ODAD4: variants seen among roughly 807,000 people sequenced by gnomAD.
The protein encoded by ODAD4 is outer dynein arm-docking complex subunit 4.
A neutral mutation model predicts 51.8 loss-of-function variants in ODAD4; 49 were observed. The observed-to-expected ratio is 0.95, with a 90% CI of 0.75 to 1.20. The LOEUF is 1.20. Among genes scored for constraint, ODAD4 ranks in the 50% most tolerant of loss-of-function variants. The pLI is 0.00. For synonymous variants in ODAD4, 235 were observed against 221.3 expected (o/e 1.06, Z -0.55); for missense variants, 590 against 586.5 (o/e 1.01, Z -0.06).
intron 9 of ODAD4, 82 bp downstream of exon 9, chr17:41,949,431 G>A: frequency 2.5e-6 from 1 of 397,754 alleles, no homozygotes; most frequent in South Asian, 1.4e-4. Flanking sequence ...TGTGGACTGA[G>A]TTTACCATCC....
chr17:41,953,511 C>CTTTATGAAG (rs2050686793), intron 9 of ODAD4, among the ~76,000 whole-genome samples: 1 of 151,998 alleles, frequency 6.6e-6, no homozygotes, highest in Non-Finnish European at 1.5e-5. Flanking sequence ...AGCACTTTCT[C>CTTTATGAAG]CTTTATGAAG....
chr17:41,939,717 C>T (rs2050480746), intron 7 of ODAD4, among the ~76,000 whole-genome samples: 1 of 152,110 alleles, frequency 6.6e-6, no homozygotes, highest in Non-Finnish European at 1.5e-5. Context: ...GAGAGCACAG[C>T]ATATTGCCAG....
intron 1 of ODAD4, 24 bp downstream of exon 1, chr17:41,930,861 C>T: frequency 1.1e-6 from 1 of 888,654 alleles, no homozygotes; most frequent in Middle Eastern, 2.6e-4. Flanking sequence ...TCAACCTATC[C>T]ATCACCCCAT....
At position 41,930,631 on chromosome 17, in the gene ODAD4, G is replaced by T; in HGVS notation, c.-93G>T. Reference sequence around the variant, plus strand: ...AACCGGAAGTCGCTGTACATCTCATGGTTGCTAAGAAACGGAGCTTCCACA... The same window carrying T: ...AACCGGAAGTCGCTGTACATCTCATTGTTGCTAAGAAACGGAGCTTCCACA... On this transcript the variant is annotated 5_prime_UTR_variant, in exon 1 of 12. The change abolishes an upstream ATG in the 5' untranslated region. Transcript: ENST00000377540. 1.2e-6 allele frequency: 1 copy of T among 838,778 alleles called. No individual in the cohort carries two copies. 52.0% of individuals were successfully genotyped at this position (838,778 alleles called of 1,614,324 possible). A position where few individuals can be genotyped will look rare whatever the true frequency, so the allele number is the denominator to read the frequency against.
chr17:41,936,803 C>G lies in ODAD4; in HGVS notation c.501C>G (p.Leu167=). Residue 167 remains leucine (L), a synonymous_variant, in exon 5 of 12, where the codon CTC becomes CTG. Coordinates refer to ENST00000377540, the MANE Select transcript of ODAD4 (RefSeq NM_031421.5). The stretch of plus-strand genomic sequence containing the variant: ...AGAAGCCTCAGCCCATGAAACACCT[C>G]TTACACCCCACCAAGGGAGAGCCCA... The part of the protein sequence containing the change: ...AQQKPQPMKH[L]LHPTKGEPKW... The G allele has an allele frequency of 6.2e-7, 1 of 1,614,020 alleles. No individual in the cohort carries two copies. The highest frequency in any genetic ancestry group is 2.2e-5 in the East Asian group (1 of 44,878).
At chr17:41,962,820 GA>G (rs2050823625) in intron 11 of ODAD4, among the ~76,000 whole-genome samples, 1 of 152,244 alleles carries the variant, frequency 6.6e-6, no homozygotes, top group African/African-American at 2.4e-5. Context: ...GGAGGTCCGG[GA>G]GGACAGAGCC....
chr17:41,935,761 C>G lies in ODAD4; in HGVS notation c.397+12C>G. The G allele has an allele frequency of 2.5e-6, 4 of 1,613,692 alleles. No homozygotes were observed. Among genetic ancestry groups the G allele is most frequent in the Non-Finnish European group, 3.4e-6 (4 of 1,179,768 alleles). On this transcript the variant is annotated intron_variant, in intron 3 of 11. Transcript: ENST00000377540. ...CAACTCAGTGGGAAGTGAGTGACCA[C>G]AGGGCCTATGCCCTTATCCAGGAAG...
chr17:41,956,031 T>G (rs1350424157), intron 10 of ODAD4, among the ~76,000 whole-genome samples: 1 of 150,552 alleles, frequency 6.6e-6, no homozygotes, highest in Non-Finnish European at 1.5e-5. Flanking sequence ...GGATTACACG[T>G]GTAAACTGTA....
intron 4 of ODAD4, 104 bp from the exon 5 acceptor site, chr17:41,936,658 A>G (rs2050432333): frequency 1.3e-6 from 2 of 1,538,026 alleles, no homozygotes; most frequent in Admixed American, 1.9e-5. Context: ...GCCCACAGAA[A>G]GGTCCTGGAG....
At position 41,938,585 on chromosome 17, in the gene ODAD4, C is replaced by A. The variant is rs147969617; in HGVS notation, c.654C>A (p.Gly218=). The change falls in exon 6 of 12, where the codon GGC becomes GGA. Residue 218 remains glycine (G), a synonymous_variant. Coordinates refer to ENST00000377540, the MANE Select transcript of ODAD4 (RefSeq NM_031421.5). Reference sequence around the variant, plus strand: ...TGATCAAAGGCACCATGAAGGGCGGCCTGACTGTGGAGGACCTCATCATGA... The same window carrying A: ...TGATCAAAGGCACCATGAAGGGCGGACTGACTGTGGAGGACCTCATCATGA... ...EDLIKGTMKG[G]LTVEDLIMTG... 1.9e-6 allele frequency: 3 copies of A among 1,613,792 alleles called. No individual in the cohort carries two copies. The Admixed American group carries it at 5.0e-5, about 27-fold the overall frequency.
At position 41,957,674 on chromosome 17, in the gene ODAD4, A is replaced by G. The variant is rs570835422; in HGVS notation, c.1443+2357A>G. 2.0e-5 allele frequency among the ~76,000 whole-genome samples: 3 copies of G among 152,196 alleles called. No homozygotes were observed. The South Asian group carries it at 6.2e-4, about 32-fold the overall frequency. On this transcript the variant is annotated intron_variant, in intron 10 of 11. Transcript: ENST00000377540. The stretch of plus-strand genomic sequence containing the variant: ...CACAGGGGTAGGAAGGCACTGGGTA[A>G]GCTCTCCCCTGTGGGCCTCTCCAGC...
Position 41,944,391 on chromosome 17 carries a change from T to TACACAC in ODAD4, c.1059-696_1059-691dup, listed in dbSNP as rs1158342629. ...AAAACAAACAAACCCCAAACACACA[T>TACACAC]ACACACACACACACACACACACACA... is the stretch of plus-strand genomic sequence containing the variant. On this transcript the variant is annotated intron_variant, in intron 7 of 11. Transcript: ENST00000377540. 2.6e-3 allele frequency among the ~76,000 whole-genome samples: 203 copies of TACACAC among 78,636 alleles called. 2 individuals are homozygous for TACACAC. Among genetic ancestry groups the TACACAC allele is most frequent in the Non-Finnish European group, 3.3e-3 (141 of 42,698 alleles). The allele number at this position is 78,636 out of a possible 152,430, so 51.6% of individuals were successfully genotyped here. A position where few individuals can be genotyped will look rare whatever the true frequency, so the allele number is the denominator to read the frequency against.
chr17:41,955,104 GCTCACACAA>G lies in ODAD4; in HGVS notation c.1343-112_1343-104del, dbSNP rs2050711612. 63 of 712,872 alleles carry G rather than the reference GCTCACACAA, an allele frequency of 8.8e-5. No individual in the cohort carries two copies. The East Asian group carries it at 1.7e-3, about 19-fold the overall frequency. 44.2% of individuals were successfully genotyped at this position (712,872 alleles called of 1,614,324 possible). On this transcript the variant is annotated intron_variant, in intron 9 of 11. Transcript: ENST00000377540. ...TCCCTGGGGCCTGGGTCCGACTACAGCTCACACAAGCTTCTGATGGGCCCTGGCAGTGCT... is the reference window on the plus strand; with the variant it reads ...TCCCTGGGGCCTGGGTCCGACTACAGGCTTCTGATGGGCCCTGGCAGTGCT...
intron 7 of ODAD4, among the ~76,000 whole-genome samples, chr17:41,942,939 T>A (rs1374357981): frequency 6.6e-6 from 1 of 152,162 alleles, no homozygotes; most frequent in Non-Finnish European, 1.5e-5. Flanking sequence ...CATATTTCAC[T>A]GCAGCCTCCA....
At chr17:41,946,736 G>T (rs1384233264) in intron 8 of ODAD4, among the ~76,000 whole-genome samples, 1 of 152,198 alleles carries the variant, frequency 6.6e-6, no homozygotes, top group African/African-American at 2.4e-5. Context: ...GAGTGCAGAG[G>T]CGTGATCTCA....
chr17:41,944,444 ACC>A (rs10578034), intron 7 of ODAD4, among the ~76,000 whole-genome samples: 405 of 19,516 alleles, frequency 0.021, 10 homozygotes, highest in African/African-American at 0.049. Flanking sequence ...ACACACACAC[ACC>A]CCCCCGCATA....
intron 6 of ODAD4, 73 bp from the exon 7 acceptor site, chr17:41,938,892 G>A: frequency 1.3e-6 from 2 of 1,577,146 alleles, no homozygotes; most frequent in East Asian, 2.2e-5. Flanking sequence ...GATGGTGTCT[G>A]CAGGAAGAGG....
intron 7 of ODAD4, among the ~76,000 whole-genome samples, chr17:41,944,286 C>T (rs2050546456): frequency 6.6e-6 from 1 of 151,794 alleles, no homozygotes; most frequent in Admixed American, 6.6e-5. Context: ...GTCACTTGAA[C>T]CCCGGAGGCG....
chr17:41,934,253 C>T (rs782510497), intron 1 of ODAD4, among the ~76,000 whole-genome samples: 2 of 151,982 alleles, frequency 1.3e-5, no homozygotes, highest in Non-Finnish European at 2.9e-5. Context: ...GTTGGCCAGG[C>T]TGGTCTCAAA....
Sources: gnomAD v4.1 joint callset for allele counts (sites outside exome capture counted in the v4.1 genomes callset) on GRCh38, gnomAD v4.1.1 for gene constraint, MANE v1.5 for transcripts, NCBI Gene and HGNC (gene_info 2026-07-23, HGNC 2026-07-21) for gene names.